Variants in LPP observed in about 807,000 individuals in gnomAD.
LPP encodes LIM domain containing preferred translocation partner in lipoma, also known as lipoma-preferred partner.
Under a neutral mutation model 60.4 loss-of-function variants are expected in LPP, and 38 were observed. That is an observed-to-expected ratio of 0.63 (90% CI 0.49 to 0.83). The LOEUF is 0.83. Among genes scored for constraint, LPP ranks in the 40% least tolerant of loss-of-function variants. The pLI, the probability that LPP is intolerant of heterozygous loss-of-function variation, is 0.00. For missense variants in LPP, 902 were observed against 783.6 expected, an observed-to-expected ratio of 1.15 and a Z score of -1.80; for synonymous variants, 328 against 290.8, an observed-to-expected ratio of 1.13 and a Z score of -1.30.
intron 5 of LPP, among the ~76,000 whole-genome samples, chr3:188,490,604 T>C (rs1194587238): frequency 6.6e-6 from 1 of 152,002 alleles, no homozygotes; most frequent in Non-Finnish European, 1.5e-5. Flanking sequence ...CTTCGGGTGA[T>C]CCGCCCACCT....
rs1293808993 is a variant in LPP, at chr3:188,352,904, C to A, written c.-10+11185C>A. Among the ~76,000 whole-genome samples, 1 of 152,184 alleles carries A rather than the reference C, an allele frequency of 6.6e-6. No homozygotes were observed. Among genetic ancestry groups the A allele is most frequent in the East Asian group, 1.9e-4 (1 of 5,194 alleles). On this transcript the variant is annotated intron_variant, in intron 3 of 11. Coordinates refer to ENST00000617246, the MANE Select transcript of LPP (RefSeq NM_001375462.1). This position sits in a 1 kb window ranked among gnomAD's most constrained non-coding sequence, Gnocchi z 4.4. ...ATGGCCAAGGTGCCACTAACATGTC[C>A]ATCCACAGAAACTTTTCTGGGGGAG...
At chr3:188,375,070 G>T (rs1359692457) in intron 3 of LPP, among the ~76,000 whole-genome samples, 1 of 152,130 alleles carries the variant, frequency 6.6e-6, no homozygotes, top group Non-Finnish European at 1.5e-5. Context: ...CTTGATCATG[G>T]TGGATAAGCT....
At chr3:188,476,712 A>G (rs1442471136) in intron 4 of LPP, among the ~76,000 whole-genome samples, 1 of 152,242 alleles carries the variant, frequency 6.6e-6, no homozygotes, top group Non-Finnish European at 1.5e-5. Flanking sequence ...TAAATAGCAG[A>G]AAATACAAAT....
chr3:188,206,775 C>T (rs950698419), intron 1 of LPP, among the ~76,000 whole-genome samples: 15 of 152,134 alleles, frequency 9.9e-5, no homozygotes, highest in South Asian at 2.1e-4. Flanking sequence ...GACTGTTGCA[C>T]TTACTATTTC....
At chr3:188,641,361 G>T (rs1229832502) in intron 7 of LPP, among the ~76,000 whole-genome samples, 1 of 152,178 alleles carries the variant, frequency 6.6e-6, no homozygotes, top group East Asian at 1.9e-4. Flanking sequence ...TCTTTCTATT[G>T]TCCTCTGAAA....
At chr3:188,262,699 C>G (rs1397291500) in intron 2 of LPP, among the ~76,000 whole-genome samples, 1 of 148,534 alleles carries the variant, frequency 6.7e-6, no homozygotes, top group African/African-American at 2.6e-5. Flanking sequence ...TTCTCTCTCT[C>G]CTCTCTCCTC....
intron 6 of LPP, among the ~76,000 whole-genome samples, chr3:188,526,806 C>T (rs767212703): frequency 1.3e-4 from 20 of 151,834 alleles, no homozygotes; most frequent in Admixed American, 2.0e-4. Flanking sequence ...TTGGGGGAAC[C>T]GATGAGGCAA....
chr3:188,801,461 A>C lies in LPP; in HGVS notation c.1410+41179A>C, dbSNP rs75397722. On this transcript the variant is annotated intron_variant, in intron 9 of 11. Coordinates refer to ENST00000617246, the MANE Select transcript of LPP (RefSeq NM_001375462.1). ...CTCAGGGCGTATTATTTTGGTGTTT[A>C]TTTATTTATTAGGTATTTATTATTT... is the stretch of plus-strand genomic sequence containing the variant. 1.0e-2 allele frequency among the ~76,000 whole-genome samples: 1,517 copies of C among 152,204 alleles called. 12 individuals are homozygous for C. Among genetic ancestry groups the C allele is most frequent in the Non-Finnish European group, 0.016 (1,098 of 68,000 alleles).
chr3:188,628,389 A>T (rs1321445862), intron 7 of LPP, among the ~76,000 whole-genome samples: 2 of 152,052 alleles, frequency 1.3e-5, no homozygotes. Context: ...AGAACCAAAT[A>T]AACACACTCT....
At chr3:188,746,494 G>A (rs1403028113) in intron 8 of LPP, 4 of 485,636 alleles carry the variant, frequency 8.2e-6, no homozygotes, top group South Asian at 6.2e-5. Flanking sequence ...ACAGAATGCT[G>A]ATAATGCCAA....
intron 7 of LPP, among the ~76,000 whole-genome samples, chr3:188,657,920 GA>G (rs1399335932): frequency 1.3e-5 from 2 of 152,098 alleles, no homozygotes; most frequent in Non-Finnish European, 1.5e-5. Flanking sequence ...ACTGTAAACT[GA>G]AAAGTGACAC....
chr3:188,634,309 GC>G (rs1057266854), intron 7 of LPP, among the ~76,000 whole-genome samples: 3 of 152,162 alleles, frequency 2.0e-5, no homozygotes, highest in Admixed American at 6.5e-5. Flanking sequence ...CTTACTGTGT[GC>G]CAGGCCCTGT....
At chr3:188,576,820 A>G (rs907290402) in intron 6 of LPP, among the ~76,000 whole-genome samples, 3 of 152,212 alleles carry the variant, frequency 2.0e-5, no homozygotes, top group Non-Finnish European at 2.9e-5. Context: ...GCAGATTTCC[A>G]GAAGTCACAG....
chr3:188,484,489 G>A (rs1288342225), intron 4 of LPP, 103 bp from the exon 5 acceptor site: 4 of 750,684 alleles, frequency 5.3e-6, no homozygotes, highest in East Asian at 2.5e-5. Flanking sequence ...ACAAAATTAT[G>A]TGTCAAAGCC....
At chr3:188,721,806 T>C (rs918823240) in intron 8 of LPP, among the ~76,000 whole-genome samples, 10 of 152,182 alleles carry the variant, frequency 6.6e-5, no homozygotes, top group Non-Finnish European at 1.3e-4. Context: ...CATCCAGCAC[T>C]GAGAGGCATT....
intron 2 of LPP, among the ~76,000 whole-genome samples, chr3:188,265,757 C>G (rs1735274964): frequency 6.6e-6 from 1 of 151,686 alleles, no homozygotes; most frequent in Non-Finnish European, 1.5e-5. Context: ...ATATCTGTAT[C>G]CAATCAGAGA....
intron 6 of LPP, among the ~76,000 whole-genome samples, chr3:188,538,990 G>C (rs1824409008): frequency 6.6e-6 from 1 of 152,200 alleles, no homozygotes; most frequent in South Asian, 2.1e-4. Flanking sequence ...CCAGAAAGAT[G>C]AGTGGTTGCC....
At chr3:188,262,622 CTCTCTCTCTCTTG>C (rs1471296354) in intron 2 of LPP, among the ~76,000 whole-genome samples, 1 of 151,842 alleles carries the variant, frequency 6.6e-6, no homozygotes, top group Non-Finnish European at 1.5e-5. Flanking sequence ...CCCCTCATCT[CTCTCTCTCTCTTG>C]TCTCTCTCTC....
chr3:188,695,802 G>A (rs1405956408), intron 7 of LPP, among the ~76,000 whole-genome samples: 3 of 152,200 alleles, frequency 2.0e-5, no homozygotes, highest in African/African-American at 7.2e-5. Context: ...GGTCTAATTA[G>A]CACCATACTT....
Sources: allele counts gnomAD v4.1 joint callset (sites outside exome capture counted in the v4.1 genomes callset), GRCh38; gene constraint gnomAD v4.1.1; non-coding constraint Gnocchi (gnomAD v3.1); transcripts MANE v1.5; gene names NCBI Gene and HGNC (gene_info 2026-07-23, HGNC 2026-07-21).